JOSD1: variants seen among roughly 807,000 people sequenced by gnomAD.
The protein encoded by JOSD1 is josephin-1.
JOSD1 carries 11 observed loss-of-function variants against 24.3 expected under a neutral mutation model. That is an observed-to-expected ratio of 0.45 (90% CI 0.29 to 0.75). The LOEUF (loss-of-function observed/expected upper bound fraction) is 0.75, where lower values mean the gene tolerates loss of function less well. Among genes scored for constraint, JOSD1 ranks in the 30% least tolerant of loss-of-function variants. The pLI, the probability that JOSD1 is intolerant of heterozygous loss-of-function variation, is 0.11. For missense variants in JOSD1, 184 were observed against 253.5 expected (o/e 0.73, Z 1.86); for synonymous variants, 106 against 93.8 (o/e 1.13, Z -0.75).
Position 38,700,891 on chromosome 22 carries a change from G to A in JOSD1, c.-723C>T, listed in dbSNP as rs1297130312. ...GGGCCGCCGGGACTGCTCGCCGCTG[G>A]CGGTCCCCTCACCGCAGCCGGCCGC... On this transcript the variant is annotated 5_prime_UTR_variant, in exon 1 of 5. Coordinates refer to ENST00000683374, the MANE Select transcript of JOSD1 (RefSeq NM_001360236.2). 1.3e-5 allele frequency: 13 copies of A among 984,348 alleles called. No homozygotes were observed. The highest frequency in any genetic ancestry group is 1.3e-5 in the Non-Finnish European group (11 of 829,636). The allele number at this position is 984,348 out of a possible 1,614,324, so 61.0% of individuals were successfully genotyped here.
rs1198086578 is a variant in JOSD1, at chr22:38,688,020, A to G, written c.510-19T>C. 6.3e-7 allele frequency: 1 copy of G among 1,579,176 alleles called. No individual in the cohort carries two copies. The highest frequency in any genetic ancestry group is 1.7e-5 in the Admixed American group (1 of 59,874). Reference sequence around the variant, plus strand: ...AAACTTCCTATGGAAAAAGAGATAGAGAAAATGAAATGCTGGCAAGTTGCA... The same window carrying G: ...AAACTTCCTATGGAAAAAGAGATAGGGAAAATGAAATGCTGGCAAGTTGCA... On this transcript the variant is annotated intron_variant, in intron 4 of 4. Transcript: ENST00000683374.
intron 2 of JOSD1, among the ~76,000 whole-genome samples, chr22:38,696,536 G>C (rs935548118): frequency 6.6e-6 from 1 of 152,092 alleles, no homozygotes; most frequent in South Asian, 2.1e-4. Context: ...CACCGTGCCT[G>C]GCCCACATTC....
intron 2 of JOSD1, among the ~76,000 whole-genome samples, chr22:38,698,334 T>C (rs1015784099): frequency 6.6e-6 from 1 of 152,228 alleles, no homozygotes; most frequent in Non-Finnish European, 1.5e-5. Flanking sequence ...TGGTTACTAC[T>C]GGCATTGGAA....
At position 38,687,628 on chromosome 22, in the gene JOSD1, C is replaced by T. The variant is rs190131837; in HGVS notation, c.*274G>A. 4.3e-5 allele frequency: 18 copies of T among 414,534 alleles called. No individual in the cohort carries two copies. The highest frequency in any genetic ancestry group is 3.1e-4 in the African/African-American group (15 of 48,980). 25.7% of individuals were successfully genotyped at this position (414,534 alleles called of 1,614,324 possible). A position where few individuals can be genotyped will look rare whatever the true frequency, so the allele number is the denominator to read the frequency against. On this transcript the variant is annotated 3_prime_UTR_variant, in exon 5 of 5. Coordinates refer to ENST00000683374, the MANE Select transcript of JOSD1 (RefSeq NM_001360236.2). ...AAGGGAAAATAAGCTAGGATTCCCT[C>T]CCCGCTCCACTTTCTCCTCTGTCTC...
intron 2 of JOSD1, 75 bp downstream of exon 2, chr22:38,699,728 G>A: frequency 7.2e-7 from 1 of 1,392,652 alleles, no homozygotes; most frequent in Non-Finnish European, 1.0e-6. Flanking sequence ...GAAGGTTTAT[G>A]AAGCTGAGAC....
In JOSD1 at chr22:38,689,139, A is replaced by G; in HGVS notation, c.315-10T>C. On this transcript the variant is annotated splice_polypyrimidine_tract_variant and intron_variant, in intron 3 of 4. Coordinates refer to ENST00000683374, the MANE Select transcript of JOSD1 (RefSeq NM_001360236.2). Reference sequence around the variant, plus strand: ...AATGACACCGACATCCCTGCAGGGGAGAAATGGTGGCAGGCTCTGATGCAG... The same window carrying G: ...AATGACACCGACATCCCTGCAGGGGGGAAATGGTGGCAGGCTCTGATGCAG... 6.2e-7 allele frequency: 1 copy of G among 1,609,838 alleles called. No homozygotes were observed. The highest frequency in any genetic ancestry group is 8.5e-7 in the Non-Finnish European group (1 of 1,176,724).
At chr22:38,692,403 C>G (rs748136158) in intron 2 of JOSD1, among the ~76,000 whole-genome samples, 18 of 152,058 alleles carry the variant, frequency 1.2e-4, no homozygotes, top group Non-Finnish European at 2.2e-4. Context: ...GAAGAGAGGC[C>G]AGCTACATCC....
chr22:38,696,382 C>T (rs1209783635), intron 2 of JOSD1, among the ~76,000 whole-genome samples: 4 of 151,934 alleles, frequency 2.6e-5, no homozygotes, highest in South Asian at 2.1e-4. Context: ...GGACTACAGG[C>T]GTGTGCCATC....
At chr22:38,690,494 C>T (rs1351953598) in intron 2 of JOSD1, among the ~76,000 whole-genome samples, 1 of 151,968 alleles carries the variant, frequency 6.6e-6, no homozygotes, top group Admixed American at 6.6e-5. Flanking sequence ...CCTCCGTCTC[C>T]TGCGTTCAAG....
At position 38,689,117 on chromosome 22, in the gene JOSD1, G is replaced by A; in HGVS notation, c.327C>T (p.Val109=). The change falls in exon 4 of 5, where the codon GTC becomes GTT. Residue 109 remains valine (V), a synonymous_variant. Transcript: ENST00000683374. ...AGCCCATGACGTTAGTGAGGGCAAT[G>A]ACACCGACATCCCTGCAGGGGAGAA... The part of the protein sequence containing the change: ...VWWDKRRDVG[V]IALTNVMGFI... The A allele has an allele frequency of 6.2e-7, 1 of 1,613,748 alleles. No homozygotes were observed. Among genetic ancestry groups the A allele is most frequent in the Non-Finnish European group, 8.5e-7 (1 of 1,179,770 alleles).
At chr22:38,698,746 C>T (rs2092555354) in intron 2 of JOSD1, among the ~76,000 whole-genome samples, 1 of 152,092 alleles carries the variant, frequency 6.6e-6, no homozygotes, top group African/African-American at 2.4e-5. Context: ...AAAATCAAAG[C>T]AAAGAGAAAA....
At chr22:38,689,677 C>CT (rs527263886) in intron 2 of JOSD1, among the ~76,000 whole-genome samples, 114 of 145,846 alleles carry the variant, frequency 7.8e-4, no homozygotes, top group African/African-American at 1.4e-3. Flanking sequence ...TCATGCAAGC[C>CT]TTTTTTTTTT....
intron 4 of JOSD1, 59 bp from the exon 5 acceptor site, chr22:38,688,060 G>T (rs2092505952): frequency 4.1e-6 from 5 of 1,208,044 alleles, no homozygotes; most frequent in South Asian, 3.7e-5. Context: ...CCAGTCTCAG[G>T]ACCACAAAGT....
At chr22:38,689,494 G>A in intron 2 of JOSD1, 70 bp from the exon 3 acceptor site, 11 of 1,588,350 alleles carry the variant, frequency 6.9e-6, no homozygotes, top group Non-Finnish European at 9.4e-6. Flanking sequence ...CACTACCAGG[G>A]ATGGAGAGCA....
intron 2 of JOSD1, among the ~76,000 whole-genome samples, chr22:38,699,490 T>C (rs1446041490): frequency 6.6e-6 from 1 of 152,232 alleles, no homozygotes; most frequent in Non-Finnish European, 1.5e-5. Context: ...AGTCTTGTTA[T>C]CTTGGGCGAG....
rs766828765 is a variant in JOSD1, at chr22:38,687,988, G to A, written c.523C>T (p.His175Tyr). The A allele has an allele frequency of 6.2e-7, 1 of 1,612,546 alleles. No individual in the cohort carries two copies. The highest frequency in any genetic ancestry group is 8.5e-7 in the Non-Finnish European group (1 of 1,178,530). ...TCACAGTTCTTTCCTCGCAAATGAT[G>A]TTTTAGAAACTTCCTATGGAAAAAG... ...GESELRKFLKHHLRGKNCELL... is the reference protein window; with the variant it reads ...GESELRKFLKYHLRGKNCELL... The change falls in exon 5 of 5, where the codon CAT becomes TAT. Residue 175 changes from histidine (H) to tyrosine (Y), a missense_variant. Coordinates refer to ENST00000683374, the MANE Select transcript of JOSD1 (RefSeq NM_001360236.2).
At position 38,687,873 on chromosome 22, in the gene JOSD1, T is replaced by A. The variant is rs376970570; in HGVS notation, c.*29A>T. The A allele has an allele frequency of 8.7e-6, 13 of 1,490,180 alleles. No homozygotes were observed. Among genetic ancestry groups the A allele is most frequent in the African/African-American group, 1.4e-5 (1 of 72,336 alleles). 92.3% of individuals were successfully genotyped at this position (1,490,180 alleles called of 1,614,324 possible). ...GCACGTCACAGAGGACTGAAGGGGC[T>A]GAGGCGAGAGGGAGGTTGGGCAGAA... is the stretch of plus-strand genomic sequence containing the variant. On this transcript the variant is annotated 3_prime_UTR_variant, in exon 5 of 5. Transcript: ENST00000683374.
intron 2 of JOSD1, among the ~76,000 whole-genome samples, chr22:38,693,073 A>G (rs140747050): frequency 2.9e-4 from 44 of 152,272 alleles, no homozygotes; most frequent in Non-Finnish European, 5.6e-4. Flanking sequence ...CATCCAATAC[A>G]ATAACAGCTG....
At chr22:38,691,263 G>T (rs2092520778) in intron 2 of JOSD1, among the ~76,000 whole-genome samples, 1 of 151,470 alleles carries the variant, frequency 6.6e-6, no homozygotes, top group Non-Finnish European at 1.5e-5. Context: ...TACTCGGGAG[G>T]CTGAGGTGGG....
Sources: gnomAD v4.1 joint callset for allele counts (sites outside exome capture counted in the v4.1 genomes callset) on GRCh38, gnomAD v4.1.1 for gene constraint, MANE v1.5 for transcripts, NCBI Gene and HGNC (gene_info 2026-07-23, HGNC 2026-07-21) for gene names.